ITSN1: variants seen among roughly 807,000 people sequenced by gnomAD.
ITSN1 encodes intersectin 1, also known as intersectin-1.
In ITSN1, 58 loss-of-function variants were observed where a neutral mutation model predicts 239.8. The observed-to-expected ratio is 0.24, with a 90% confidence interval of 0.20 to 0.30. The LOEUF (loss-of-function observed/expected upper bound fraction) is 0.30, where lower values mean the gene tolerates loss of function less well. Ranked by LOEUF, ITSN1 falls within the 10% of genes least tolerant of loss-of-function variation. ITSN1 has a pLI of 1.00. For missense variants in ITSN1, 1,558 were observed against 2,103.3 expected (o/e 0.74, Z 5.07); for synonymous variants, 780 against 770.8 (o/e 1.01, Z -0.20).
intron 31 of ITSN1, among the ~76,000 whole-genome samples, chr21:33,860,710 C>G (rs1980351648): frequency 6.6e-6 from 1 of 152,196 alleles, no homozygotes; most frequent in South Asian, 2.1e-4. Context: ...GGTGGCTGCT[C>G]TGTGGATGAT....
intron 5 of ITSN1, among the ~76,000 whole-genome samples, chr21:33,747,671 G>A (rs1036518327): frequency 2.0e-5 from 3 of 152,146 alleles, no homozygotes; most frequent in Admixed American, 1.3e-4. Flanking sequence ...AGGTTAGAAG[G>A]CAGTGGAATA....
At position 33,812,465 on chromosome 21, in the gene ITSN1, G is replaced by A. The variant is rs1380535798; in HGVS notation, c.2567+1243G>A. Among the ~76,000 whole-genome samples the A allele has an allele frequency of 2.0e-5, 3 of 152,124 alleles. No individual in the cohort carries two copies. In the East Asian group the frequency reaches 5.8e-4, roughly 29 times the overall value. On this transcript the variant is annotated intron_variant, in intron 21 of 39. Coordinates refer to ENST00000381318, the MANE Select transcript of ITSN1 (RefSeq NM_003024.3). ...AAAGTAAATTGCCTTTAGATCTGCA[G>A]TCACACAGACATGTTTATCTAAAAT...
At chr21:33,850,938 T>C (rs1156991895) in intron 29 of ITSN1, among the ~76,000 whole-genome samples, 1 of 152,096 alleles carries the variant, frequency 6.6e-6, no homozygotes, top group Admixed American at 6.5e-5. Flanking sequence ...AGATGGGACC[T>C]CCAGGAGCCC....
rs1332542126 is a variant in ITSN1, at chr21:33,735,195, C to A, written c.337C>A (p.Pro113Thr). Residue 113 changes from proline (P) to threonine (T), a missense_variant, in exon 5 of 40, where the codon CCA (proline) becomes ACA (threonine). By Grantham distance (38) the Pro-to-Thr change is conservative. Coordinates refer to ENST00000381318, the MANE Select transcript of ITSN1 (RefSeq NM_003024.3). ...GCAACCAGTTGCTATTTCTAGCGCA[C>A]CAGCATTTGGTAAGTCTGAAAATGA... ...KQQPVAISSAPAFGMGGIASM... is the reference protein window; with the variant it reads ...KQQPVAISSATAFGMGGIASM... The A allele has an allele frequency of 1.2e-6, 2 of 1,612,844 alleles. No homozygotes were observed. The highest frequency in any genetic ancestry group is 2.2e-5 in the South Asian group (2 of 90,636).
intron 25 of ITSN1, among the ~76,000 whole-genome samples, chr21:33,824,604 T>C (rs2073877687): frequency 6.6e-6 from 1 of 152,160 alleles, no homozygotes. Flanking sequence ...ATGCCAGTAG[T>C]AGAGTGTATA....
In ITSN1 at chr21:33,818,300, C is replaced by T; in HGVS notation, c.2761C>T (p.Leu921=). The T allele has an allele frequency of 6.2e-7, 1 of 1,614,184 alleles. No homozygotes were observed. Among genetic ancestry groups the T allele is most frequent in the Non-Finnish European group, 8.5e-7 (1 of 1,180,018 alleles). Residue 921 remains leucine (L), a synonymous_variant, in exon 23 of 40, where the codon CTA becomes TTA. Transcript: ENST00000381318. ...EKVEGLQAQA[L]YPWRAKKDNH... is the part of the protein sequence containing the mutation. ...GGTGGAGGGGCTACAAGCTCAAGCC[C>T]TATATCCTTGGAGAGCCAAAAAAGA...
At chr21:33,800,531 AAAG>A (rs1225181951) in intron 19 of ITSN1, among the ~76,000 whole-genome samples, 9 of 152,136 alleles carry the variant, frequency 5.9e-5, no homozygotes, top group Admixed American at 1.3e-4. Context: ...AATTATGTAA[AAAG>A]AGTAATGAAT....
Position 33,772,206 on chromosome 21 carries a change from T to G in ITSN1, c.1188T>G (p.Arg396=), listed in dbSNP as rs1208193519. The change falls in exon 12 of 40, where the codon CGT becomes CGG. Residue 396 remains arginine (R), a synonymous_variant. Coordinates refer to ENST00000381318, the MANE Select transcript of ITSN1 (RefSeq NM_003024.3). Reference sequence around the variant, plus strand: ...GGGCGGAGCAGGAGAGGAAGGAGCGTGAGCGCCAGGAGCAAGAGCGCAAAA... The same window carrying G: ...GGGCGGAGCAGGAGAGGAAGGAGCGGGAGCGCCAGGAGCAAGAGCGCAAAA... ...LERAEQERKE[R]ERQEQERKRQ... 1.2e-6 allele frequency: 2 copies of G among 1,613,420 alleles called. No individual in the cohort carries two copies. Among genetic ancestry groups the G allele is most frequent in the Non-Finnish European group, 8.5e-7 (1 of 1,179,696 alleles).
At chr21:33,682,783 A>C (rs2091040049) in intron 1 of ITSN1, among the ~76,000 whole-genome samples, 1 of 151,352 alleles carries the variant, frequency 6.6e-6, no homozygotes, top group Non-Finnish European at 1.5e-5. Context: ...CGGCTGCCCA[A>C]AGTGCTGGGA....
At chr21:33,834,526 C>CT (rs2074488986) in intron 28 of ITSN1, 102 bp downstream of exon 28, 2 of 798,382 alleles carry the variant, frequency 2.5e-6, no homozygotes. Context: ...TTCACATGTG[C>CT]TTTAAAGCAC....
intron 5 of ITSN1, among the ~76,000 whole-genome samples, chr21:33,745,257 G>A (rs2067111016): frequency 6.6e-6 from 1 of 152,198 alleles, no homozygotes; most frequent in African/African-American, 2.4e-5. Flanking sequence ...CGCACCATGA[G>A]AATGCAATCA....
chr21:33,827,495 G>A (rs1210362791), intron 26 of ITSN1, among the ~76,000 whole-genome samples: 1 of 152,188 alleles, frequency 6.6e-6, no homozygotes, highest in Non-Finnish European at 1.5e-5. Flanking sequence ...AGGATTATGG[G>A]CTCAGCTGCT....
chr21:33,848,939 T>C (rs1303556220), intron 29 of ITSN1, among the ~76,000 whole-genome samples: 1 of 152,232 alleles, frequency 6.6e-6, no homozygotes. Context: ...ACAGGCCCCC[T>C]TGAATTAGAC....
chr21:33,753,876 A>G lies in ITSN1; in HGVS notation c.624-1421A>G, dbSNP rs180938865. 3.8e-4 allele frequency among the ~76,000 whole-genome samples: 58 copies of G among 152,092 alleles called. No individual in the cohort carries two copies. In the East Asian group the frequency reaches 0.011, roughly 28 times the overall value. ...CTGCTTTATTGATTTGTGACATTAGAATGAACTATCAGTATTAGTGAACAT... is the reference window on the plus strand; with the variant it reads ...CTGCTTTATTGATTTGTGACATTAGGATGAACTATCAGTATTAGTGAACAT... On this transcript the variant is annotated intron_variant, in intron 7 of 39. Transcript: ENST00000381318.
intron 29 of ITSN1, among the ~76,000 whole-genome samples, chr21:33,841,169 T>C (rs889291256): frequency 1.3e-5 from 2 of 152,222 alleles, no homozygotes; most frequent in African/African-American, 4.8e-5. Context: ...ATCTTCCCTG[T>C]TTCTGGAAAG....
chr21:33,649,765 C>T (rs1411138920), intron 1 of ITSN1, among the ~76,000 whole-genome samples: 1 of 151,992 alleles, frequency 6.6e-6, no homozygotes, highest in African/African-American at 2.4e-5. Context: ...ACCTGTAATC[C>T]CAGCACTTTG....
rs1202307132 is a variant in ITSN1 at position 33,888,847 on chromosome 21, A to G, written c.*547A>G. The G allele has an allele frequency of 6.6e-6, 1 of 152,468 alleles. No homozygotes were observed. Among genetic ancestry groups the G allele is most frequent in the Admixed American group, 6.5e-5 (1 of 15,298 alleles). The allele number at this position is 152,468 out of a possible 1,614,324, so 9.4% of individuals were successfully genotyped here. The stretch of plus-strand genomic sequence containing the variant: ...TGCCTAGAGCTGATCACTCGGTGAG[A>G]CGGTCTGATCAGGCCCTGGCTTAGC... On this transcript the variant is annotated 3_prime_UTR_variant, in exon 40 of 40. Transcript: ENST00000381318.
Position 33,882,108 on chromosome 21 carries a change from G to T in ITSN1, c.4342-135G>T. 1 of 697,894 alleles carries T rather than the reference G, an allele frequency of 1.4e-6. No homozygotes were observed. The highest frequency in any genetic ancestry group is 2.4e-6 in the Non-Finnish European group (1 of 420,242). The allele number at this position is 697,894 out of a possible 1,614,324, so 43.2% of individuals were successfully genotyped here. ...CTGACTTTGATCTCTTGGCTCCAAA[G>T]TCTTCAAAGCTATCCTTGACTTTTG... On this transcript the variant is annotated intron_variant, in intron 34 of 39. Transcript: ENST00000381318. This position sits in a 1 kb window ranked among gnomAD's most constrained non-coding sequence, Gnocchi z 4.5.
At chr21:33,731,314 CAG>C (rs1265498248) in intron 4 of ITSN1, among the ~76,000 whole-genome samples, 2 of 152,156 alleles carry the variant, frequency 1.3e-5, no homozygotes, top group Admixed American at 1.3e-4. Context: ...GTGTGGGGAA[CAG>C]GGAGTGGGCA....
Sources: gnomAD v4.1 joint callset for allele counts (sites outside exome capture counted in the v4.1 genomes callset) on GRCh38, gnomAD v4.1.1 for gene constraint, Gnocchi (gnomAD v3.1) non-coding constraint, MANE v1.5 for transcripts, NCBI Gene and HGNC (gene_info 2026-07-23, HGNC 2026-07-21) for gene names.